METTL15: variants seen among roughly 807,000 people sequenced by gnomAD.
METTL15 encodes 12S rRNA N(4)-cytidine methyltransferase METTL15.
A neutral mutation model predicts 38.3 loss-of-function variants in METTL15; 34 were observed. The ratio of observed to expected loss-of-function variants is 0.89; its 90% CI spans 0.68 to 1.18. METTL15 has a LOEUF of 1.18. Ranked by LOEUF, METTL15 falls within the 50% of genes most tolerant of loss-of-function variation. METTL15 has a pLI of 0.00. For missense variants in METTL15, 438 were observed against 498.4 expected (o/e 0.88, Z 1.15); for synonymous variants, 162 against 170.9 (o/e 0.95, Z 0.41).
At chr11:28,186,480 A>T (rs1481135970) in intron 3 of METTL15, among the ~76,000 whole-genome samples, 2 of 151,204 alleles carry the variant, frequency 1.3e-5, no homozygotes, top group Admixed American at 1.3e-4. Flanking sequence ...TATAGTTACA[A>T]TAAAAGTTAT....
At chr11:28,216,269 T>C (rs965872621) in intron 4 of METTL15, among the ~76,000 whole-genome samples, 3 of 152,042 alleles carry the variant, frequency 2.0e-5, no homozygotes, top group Non-Finnish European at 2.9e-5. Context: ...CAATACAATA[T>C]TGATACAAGA....
Position 28,376,186 on chromosome 11 carries a change from C to T in METTL15, c.*358+14150C>T, listed in dbSNP as rs372699125. On this transcript the variant is annotated intron_variant and NMD_transcript_variant, in intron 5 of 7. Transcript: ENST00000532947. ...GTTCTGTAGATGTCTATTAGGTCCG[C>T]TTGGTGCAGAGCTGAGTTCAATTCG... Among the ~76,000 whole-genome samples the T allele has an allele frequency of 1.0e-3, 156 of 149,402 alleles. No individual in the cohort carries two copies. In the East Asian group the frequency reaches 0.02, roughly 19 times the overall value.
intron 3 of METTL15, among the ~76,000 whole-genome samples, chr11:28,346,852 T>C (rs572962663): frequency 5.9e-5 from 9 of 152,308 alleles, no homozygotes; most frequent in Admixed American, 3.9e-4. Flanking sequence ...TTATGTATTA[T>C]TGAGGTTAGC....
intron 6 of METTL15, among the ~76,000 whole-genome samples, chr11:28,524,986 G>C (rs1391358988): frequency 6.6e-6 from 1 of 151,952 alleles, no homozygotes; most frequent in Non-Finnish European, 1.5e-5. Flanking sequence ...CAGGAGTGAA[G>C]CTGCAGACCT....
intron 3 of METTL15, among the ~76,000 whole-genome samples, chr11:28,175,176 T>C (rs1039311287): frequency 6.7e-6 from 1 of 149,576 alleles, no homozygotes; most frequent in African/African-American, 2.5e-5. Flanking sequence ...CAGTTCCCAC[T>C]TATGAGTGAG....
At chr11:28,370,724 C>T (rs915009867) in intron 5 of METTL15, among the ~76,000 whole-genome samples, 16 of 151,794 alleles carry the variant, frequency 1.1e-4, no homozygotes, top group Admixed American at 9.9e-4. Flanking sequence ...TACATTATTC[C>T]CTGTCTTTTT....
chr11:28,355,666 A>C (rs1284335614), intron 4 of METTL15, among the ~76,000 whole-genome samples: 1 of 152,204 alleles, frequency 6.6e-6, no homozygotes, highest in African/African-American at 2.4e-5. Flanking sequence ...AGAGATTTAA[A>C]GCATAGAGGA....
At chr11:28,524,794 G>A (rs890298384) in intron 6 of METTL15, among the ~76,000 whole-genome samples, 5 of 152,158 alleles carry the variant, frequency 3.3e-5, no homozygotes, top group African/African-American at 1.2e-4. Context: ...AACATACAGG[G>A]CTTAAAGGTT....
intron 4 of METTL15, among the ~76,000 whole-genome samples, chr11:28,212,515 G>T (rs111665804): frequency 6.6e-6 from 1 of 152,050 alleles, no homozygotes; most frequent in South Asian, 2.1e-4. Context: ...TGTACCTGAG[G>T]AGAAGTGGAT....
intron 4 of METTL15, among the ~76,000 whole-genome samples, chr11:28,267,211 G>T (rs1032103075): frequency 6.6e-6 from 1 of 151,088 alleles, no homozygotes; most frequent in Admixed American, 6.6e-5. Flanking sequence ...TGGCTTCTAG[G>T]GCCCTCCAGT....
intron 4 of METTL15, among the ~76,000 whole-genome samples, chr11:28,220,584 G>A (rs910826731): frequency 6.6e-6 from 1 of 152,126 alleles, no homozygotes; most frequent in Non-Finnish European, 1.5e-5. Context: ...ATTGTTATGT[G>A]TGAATTTGAT....
At chr11:28,260,495 G>C (rs781653209) in intron 4 of METTL15, among the ~76,000 whole-genome samples, 1 of 152,148 alleles carries the variant, frequency 6.6e-6, no homozygotes, top group Non-Finnish European at 1.5e-5. Flanking sequence ...CTGTCAGGGA[G>C]AATAAGTCTG....
chr11:28,286,043 A>T (rs1419656217), intron 4 of METTL15, among the ~76,000 whole-genome samples: 1 of 151,958 alleles, frequency 6.6e-6, no homozygotes, highest in Non-Finnish European at 1.5e-5. Context: ...GAAGTAGATA[A>T]ATATATATAT....
rs1001227451 is a variant in METTL15, at chr11:28,262,734, C to T, written c.408-27472C>T. On this transcript the variant is annotated intron_variant, in intron 4 of 6. Coordinates refer to ENST00000407364, the MANE Select transcript of METTL15 (RefSeq NM_001113528.2). ...ATATGCCATCTTTCCTGAGCCAAAA[C>T]AGTGTGTCTGTATAGTAGCCCACAC... Among the ~76,000 whole-genome samples, 3 of 152,064 alleles carry T rather than the reference C, an allele frequency of 2.0e-5. No homozygotes were observed. The East Asian group carries it at 5.8e-4, about 29-fold the overall frequency.
downstream of METTL15, among the ~76,000 whole-genome samples, chr11:28,529,108 G>C (rs1011712927): frequency 1.3e-5 from 2 of 152,144 alleles, no homozygotes; most frequent in Admixed American, 6.5e-5. Context: ...TGCTTACGTT[G>C]AGAAGAGAAA....
At chr11:28,474,929 G>A (rs1277327414) in intron 6 of METTL15, among the ~76,000 whole-genome samples, 1 of 152,166 alleles carries the variant, frequency 6.6e-6, no homozygotes, top group South Asian at 2.1e-4. Context: ...TTAACACATG[G>A]AGGCCATAAA....
At position 28,260,284 on chromosome 11, in the gene METTL15, G is replaced by A. The variant is rs72876489; in HGVS notation, c.408-29922G>A. Among the ~76,000 whole-genome samples, 817 of 152,204 alleles carry A rather than the reference G, an allele frequency of 5.4e-3. 5 individuals are homozygous for A. Among genetic ancestry groups the A allele is most frequent in the Admixed American group, 0.011 (172 of 15,284 alleles). On this transcript the variant is annotated intron_variant, in intron 4 of 6. Transcript: ENST00000407364. ...TAGATGTCACTTTCTGGTCATTCAG[G>A]CTCAAACATTTCAGCCTTTAGCTAA...
chr11:28,401,285 T>C (rs2133404298), intron 5 of METTL15, among the ~76,000 whole-genome samples: 1 of 152,106 alleles, frequency 6.6e-6, no homozygotes. Flanking sequence ...TGTCCACAAA[T>C]ACCTGCCTGG....
chr11:28,438,863 G>A (rs1470953443), intron 6 of METTL15, among the ~76,000 whole-genome samples: 6 of 151,222 alleles, frequency 4.0e-5, no homozygotes, highest in South Asian at 2.1e-4. Flanking sequence ...TAGTAGAGAC[G>A]GGGGGGTTTC....
Sources: gnomAD v4.1 joint callset for allele counts (sites outside exome capture counted in the v4.1 genomes callset) on GRCh38, gnomAD v4.1.1 for gene constraint, MANE v1.5 for transcripts, NCBI Gene and HGNC (gene_info 2026-07-23, HGNC 2026-07-21) for gene names.